NXPE2: variants seen among roughly 807,000 people sequenced by gnomAD.
The protein encoded by NXPE2 is neurexophilin and PC-esterase domain family member 2.
In NXPE2, 34 loss-of-function variants were observed where a neutral mutation model predicts 34.4. That is an observed-to-expected ratio of 0.99 (90% CI 0.75 to 1.31). The LOEUF is 1.31. Ranked by LOEUF, NXPE2 falls within the 40% of genes most tolerant of loss-of-function variation. The pLI, the probability that NXPE2 is intolerant of heterozygous loss-of-function variation, is 0.00. For missense variants in NXPE2, 649 were observed against 672.5 expected (o/e 0.97, Z 0.39); for synonymous variants, 235 against 231.3 (o/e 1.02, Z -0.15).
the NXPE2 span, among the ~76,000 whole-genome samples, chr11:114,601,738 TAATTATAA>T: frequency 1.4e-5 from 1 of 72,018 alleles, no homozygotes; most frequent in African/African-American, 5.8e-5. Context: ...ATATTATATA[TAATTATAA>T]TATATAATAT....
Position 114,679,560 on chromosome 11 carries a change from C to T in NXPE2, c.27-97C>T, listed in dbSNP as rs1188690923. 6.1e-6 allele frequency: 4 copies of T among 652,092 alleles called. No individual in the cohort carries two copies. The East Asian group carries it at 1.1e-4, about 19-fold the overall frequency. 40.4% of individuals were successfully genotyped at this position (652,092 alleles called of 1,614,324 possible). On this transcript the variant is annotated intron_variant, in intron 1 of 5. Transcript: ENST00000389586. ...TTTTGGAAAACCCAGGATAACATCA[C>T]CTTGTTCTGGAAATTACTGAAGAGG...
At chr11:114,631,996 C>T in the NXPE2 span, among the ~76,000 whole-genome samples, 7 of 148,274 alleles carry the variant, frequency 4.7e-5, no homozygotes, top group South Asian at 1.1e-3. Flanking sequence ...TCATAGGTAA[C>T]AGCTACTATT....
the NXPE2 span, chr11:114,529,939 C>T: frequency 1.4e-4 from 65 of 458,548 alleles, no homozygotes; most frequent in Non-Finnish European, 2.2e-4. Context: ...TTCAGTGGAA[C>T]ATCTGTGAAC....
the NXPE2 span, among the ~76,000 whole-genome samples, chr11:114,798,688 C>CTTTCT: frequency 6.6e-6 from 1 of 152,196 alleles, no homozygotes; most frequent in East Asian, 1.9e-4. Context: ...GGCCGGGACT[C>CTTTCT]TTTCTTTTTC....
chr11:114,618,122 G>A, the NXPE2 span, among the ~76,000 whole-genome samples: 6 of 151,918 alleles, frequency 3.9e-5, no homozygotes, highest in Admixed American at 6.6e-5. Flanking sequence ...CGCCTCGTGG[G>A]AAACCAGTGT....
upstream of NXPE2, among the ~76,000 whole-genome samples, chr11:114,676,140 G>A (rs993920768): frequency 1.3e-5 from 2 of 151,818 alleles, no homozygotes; most frequent in Non-Finnish European, 1.5e-5. Flanking sequence ...ACCTGAAACT[G>A]TAAAACTGCT....
chr11:114,559,083 T>A, the NXPE2 span, among the ~76,000 whole-genome samples: 1 of 152,158 alleles, frequency 6.6e-6, no homozygotes, highest in African/African-American at 2.4e-5. Context: ...TAAACATAAA[T>A]CTTTATCACA....
At chr11:114,514,565 A>G in the NXPE2 span, among the ~76,000 whole-genome samples, 1 of 151,586 alleles carries the variant, frequency 6.6e-6, no homozygotes, top group African/African-American at 2.4e-5. Flanking sequence ...ATTTTTTGAT[A>G]TTTTGTAGGA....
At chr11:114,674,169 C>A (rs1367379171), upstream of NXPE2, among the ~76,000 whole-genome samples, 1 of 151,698 alleles carries the variant, frequency 6.6e-6, no homozygotes, top group Non-Finnish European at 1.5e-5. Flanking sequence ...CCTTAGTAGT[C>A]TTTTATTTAA....
At chr11:114,573,280 C>T in the NXPE2 span, among the ~76,000 whole-genome samples, 2 of 152,062 alleles carry the variant, frequency 1.3e-5, no homozygotes, top group South Asian at 4.1e-4. Context: ...AAAGGACCTA[C>T]ATGAAATAAT....
chr11:114,717,376 A>T, the NXPE2 span, among the ~76,000 whole-genome samples: 1 of 152,172 alleles, frequency 6.6e-6, no homozygotes, highest in Non-Finnish European at 1.5e-5. Context: ...TACCAAAGTG[A>T]TGTCCCTGAA....
At chr11:114,475,979 T>G in the NXPE2 span, among the ~76,000 whole-genome samples, 32 of 152,212 alleles carry the variant, frequency 2.1e-4, 1 homozygote. Context: ...GTGATGCCCA[T>G]CTGTTACTTA....
At chr11:114,802,940 T>C in the NXPE2 span, among the ~76,000 whole-genome samples, 3 of 151,634 alleles carry the variant, frequency 2.0e-5, no homozygotes, top group African/African-American at 7.3e-5. Context: ...TCTGCAGACA[T>C]GAAACCATCT....
the NXPE2 span, among the ~76,000 whole-genome samples, chr11:114,490,119 G>T: frequency 2.6e-4 from 39 of 152,224 alleles, no homozygotes; most frequent in Admixed American, 4.6e-4. Flanking sequence ...GCTTCAAAGA[G>T]AATAAAATAC....
the NXPE2 span, among the ~76,000 whole-genome samples, chr11:114,641,009 T>C: frequency 8.9e-4 from 136 of 152,052 alleles, no homozygotes; most frequent in Non-Finnish European, 1.4e-3. Flanking sequence ...TGGAGAATGA[T>C]AAGGTACAAA....
the NXPE2 span, among the ~76,000 whole-genome samples, chr11:114,641,502 C>T: frequency 6.6e-6 from 1 of 151,856 alleles, no homozygotes; most frequent in Non-Finnish European, 1.5e-5. Context: ...GGGAATGCCA[C>T]CAAATTATAT....
the NXPE2 span, among the ~76,000 whole-genome samples, chr11:114,736,904 G>A: frequency 3.9e-5 from 6 of 152,108 alleles, no homozygotes; most frequent in East Asian, 1.9e-4. Flanking sequence ...CTGACTTCCC[G>A]CAACAGTGCC....
At chr11:114,724,698 G>A in the NXPE2 span, among the ~76,000 whole-genome samples, 1 of 151,998 alleles carries the variant, frequency 6.6e-6, no homozygotes, top group Admixed American at 6.6e-5. Flanking sequence ...GGTCCTGTTA[G>A]TAATCATCAC....
chr11:114,649,808 A>G, the NXPE2 span, among the ~76,000 whole-genome samples: 1 of 152,310 alleles, frequency 6.6e-6, no homozygotes, highest in East Asian at 1.9e-4. Context: ...GCTAATATTT[A>G]CCAACCATTT....
Sources: gnomAD v4.1 joint callset for allele counts (sites outside exome capture counted in the v4.1 genomes callset) on GRCh38, gnomAD v4.1.1 for gene constraint, MANE v1.5 for transcripts, NCBI Gene and HGNC (gene_info 2026-07-23, HGNC 2026-07-21) for gene names.